MECOM: variants seen among roughly 807,000 people sequenced by gnomAD.
The protein encoded by MECOM is MDS1 and EVI1 complex locus.
In MECOM, 13 loss-of-function variants were observed where a neutral mutation model predicts 116.3. The ratio of observed to expected loss-of-function variants is 0.11; its 90% CI spans 0.07 to 0.18. The LOEUF is 0.18. Among genes scored for constraint, MECOM ranks in the 10% least tolerant of loss-of-function variants. The pLI is 1.00. For missense variants in MECOM, 1,299 were observed against 1,509.0 expected, an observed-to-expected ratio of 0.86 and a Z score of 2.31; for synonymous variants, 528 against 535.2, an observed-to-expected ratio of 0.99 and a Z score of 0.19.
chr3:169,338,633 T>TGTGTGTGTGTGTGTGTG (rs1723982000), intron 2 of MECOM, among the ~76,000 whole-genome samples: 1 of 117,372 alleles, frequency 8.5e-6, no homozygotes, highest in African/African-American at 3.6e-5. Flanking sequence ...GTGTGTGTGT[T>TGTGTGTGTGTGTGTGTG]GGGAAGCATA....
At chr3:169,434,068 A>C (rs1391494085) in intron 1 of MECOM, among the ~76,000 whole-genome samples, 1 of 152,210 alleles carries the variant, frequency 6.6e-6, no homozygotes, top group Admixed American at 6.5e-5. Context: ...TGTTCCCTTT[A>C]ATATTTTTCA....
chr3:169,483,790 A>G, intron 1 of MECOM: 1 of 1,611,398 alleles, frequency 6.2e-7, no homozygotes, highest in Non-Finnish European at 8.5e-7. Flanking sequence ...TTCTTCAAAT[A>G]TTTTTTGGTG....
intron 1 of MECOM, among the ~76,000 whole-genome samples, chr3:169,383,737 T>A (rs561515141): frequency 1.3e-5 from 2 of 152,344 alleles, no homozygotes; most frequent in East Asian, 3.9e-4. Context: ...AGGTAAAGTA[T>A]AAACCTCTTA....
chr3:169,628,857 A>T (rs917749901), intron 1 of MECOM, among the ~76,000 whole-genome samples: 8 of 152,170 alleles, frequency 5.3e-5, no homozygotes, highest in African/African-American at 1.9e-4. Context: ...TGCAGATTAG[A>T]AAGTCAGCTA....
chr3:169,477,103 G>GTATATATATA (rs1235414327), intron 1 of MECOM: 2 of 56,278 alleles, frequency 3.6e-5, no homozygotes, highest in African/African-American at 1.7e-4. Context: ...GTGTGTGTGT[G>GTATATATATA]TGTATATATA....
chr3:169,528,634 G>T (rs1758223891), intron 1 of MECOM, among the ~76,000 whole-genome samples: 1 of 152,208 alleles, frequency 6.6e-6, no homozygotes, highest in Admixed American at 6.5e-5. Flanking sequence ...AACTGAAACA[G>T]CTTCCTTATG....
chr3:169,541,387 A>G (rs1760039418), intron 1 of MECOM, among the ~76,000 whole-genome samples: 1 of 152,252 alleles, frequency 6.6e-6, no homozygotes, highest in Non-Finnish European at 1.5e-5. Flanking sequence ...CTGAAGTGCT[A>G]GAGAGAAAGA....
At chr3:169,110,730 T>C (rs1727081691) in intron 9 of MECOM, among the ~76,000 whole-genome samples, 1 of 152,142 alleles carries the variant, frequency 6.6e-6, no homozygotes, top group Non-Finnish European at 1.5e-5. Context: ...TTGGTAGGTA[T>C]TCATGACGCA....
chr3:169,453,345 T>C (rs757543274), intron 1 of MECOM, among the ~76,000 whole-genome samples: 1 of 152,172 alleles, frequency 6.6e-6, no homozygotes, highest in Non-Finnish European at 1.5e-5. Flanking sequence ...TTGATAAAGA[T>C]GTATGTTTTT....
intron 1 of MECOM, among the ~76,000 whole-genome samples, chr3:169,420,860 T>G (rs1739608737): frequency 6.6e-6 from 1 of 152,172 alleles, no homozygotes; most frequent in African/African-American, 2.4e-5. Flanking sequence ...AAAATAGGTA[T>G]GTATAAATGA....
chr3:169,368,389 A>G (rs1729530244), intron 2 of MECOM, among the ~76,000 whole-genome samples: 1 of 152,064 alleles, frequency 6.6e-6, no homozygotes, highest in African/African-American at 2.4e-5. Flanking sequence ...GATTCTATCA[A>G]TGTAAATAAA....
chr3:169,133,124 CACACACACAT>C (rs1735299298), intron 3 of MECOM, among the ~76,000 whole-genome samples: 1 of 151,784 alleles, frequency 6.6e-6, no homozygotes, highest in African/African-American at 2.4e-5. Flanking sequence ...CACACACACA[CACACACACAT>C]ACACTACCAA....
At chr3:169,423,953 G>T (rs947314761) in intron 1 of MECOM, among the ~76,000 whole-genome samples, 1 of 152,108 alleles carries the variant, frequency 6.6e-6, no homozygotes, top group Admixed American at 6.6e-5. Flanking sequence ...GAAGACAGAT[G>T]TGCCCTGACA....
intron 1 of MECOM, among the ~76,000 whole-genome samples, chr3:169,517,766 T>C (rs762128494): frequency 2.6e-5 from 4 of 152,114 alleles, no homozygotes; most frequent in Non-Finnish European, 5.9e-5. Flanking sequence ...TTCCATCCAT[T>C]GATTCAGTCA....
At chr3:169,547,912 C>G (rs1013443189) in intron 1 of MECOM, among the ~76,000 whole-genome samples, 2 of 152,096 alleles carry the variant, frequency 1.3e-5, no homozygotes, top group African/African-American at 4.8e-5. Flanking sequence ...GAGAGAAGCA[C>G]ACAATAGACT....
chr3:169,258,244 AAAAAGTAGATTCCAG>A (rs1208474860), intron 2 of MECOM, among the ~76,000 whole-genome samples: 1 of 152,110 alleles, frequency 6.6e-6, no homozygotes, highest in Non-Finnish European at 1.5e-5. Context: ...AAAGAAAAAG[AAAAAGTAGATTCCAG>A]AAAATGTATG....
chr3:169,486,887 G>A (rs1180466066), intron 1 of MECOM, among the ~76,000 whole-genome samples: 10 of 152,014 alleles, frequency 6.6e-5, no homozygotes, highest in Admixed American at 4.6e-4. Context: ...CAGACAAAAG[G>A]AACTTCAGGT....
chr3:169,221,666 C>G (rs1037195086), intron 2 of MECOM, among the ~76,000 whole-genome samples: 5 of 151,822 alleles, frequency 3.3e-5, no homozygotes, highest in African/African-American at 1.2e-4. Context: ...ATCTGGCTGT[C>G]AAATCTCACA....
At chr3:169,125,558 T>C (rs1359451574) in intron 5 of MECOM, among the ~76,000 whole-genome samples, 1 of 152,136 alleles carries the variant, frequency 6.6e-6, no homozygotes, top group African/African-American at 2.4e-5. Context: ...GAATTTTCCC[T>C]TCTTTGTTTC....
Sources: gnomAD v4.1 joint callset for allele counts (sites outside exome capture counted in the v4.1 genomes callset) on GRCh38, gnomAD v4.1.1 for gene constraint, MANE v1.5 for transcripts, NCBI Gene and HGNC (gene_info 2026-07-23, HGNC 2026-07-21) for gene names.